SAMD4A: variants seen among roughly 807,000 people sequenced by gnomAD.
SAMD4A encodes the protein sterile alpha motif domain containing 4A, also known as protein Smaug homolog 1.
In SAMD4A, 33 loss-of-function variants were observed where a neutral mutation model predicts 81.3. That is an observed-to-expected ratio of 0.41 (90% confidence interval 0.31 to 0.54). The LOEUF (loss-of-function observed/expected upper bound fraction) is 0.54, where lower values mean the gene tolerates loss of function less well. SAMD4A is among the 20% of genes least tolerant of loss of function. The pLI, the probability that SAMD4A is intolerant of heterozygous loss-of-function variation, is 0.37. For missense variants in SAMD4A, 854 were observed against 951.1 expected (o/e 0.90, Z 1.34); for synonymous variants, 389 against 382.1 (o/e 1.02, Z -0.21).
intron 8 of SAMD4A, among the ~76,000 whole-genome samples, chr14:54,765,711 G>A (rs922537850): frequency 3.9e-5 from 6 of 152,116 alleles, no homozygotes; most frequent in Non-Finnish European, 7.4e-5. Context: ...AGTAGGGTCC[G>A]GTGAAGGGAG....
At chr14:54,772,826 CAAAA>C (rs35278828) in intron 9 of SAMD4A, among the ~76,000 whole-genome samples, 9 of 145,842 alleles carry the variant, frequency 6.2e-5, no homozygotes, top group African/African-American at 1.8e-4. Flanking sequence ...AACAAACAAA[CAAAA>C]AAAAAAAACA....
At chr14:54,678,345 G>C (rs1468336842) in intron 2 of SAMD4A, among the ~76,000 whole-genome samples, 1 of 152,052 alleles carries the variant, frequency 6.6e-6, no homozygotes, top group East Asian at 1.9e-4. Flanking sequence ...ACCTGCCTCA[G>C]GGGAGAAGGG....
At chr14:54,653,737 A>G (rs116484625) in intron 2 of SAMD4A, among the ~76,000 whole-genome samples, 2,385 of 152,240 alleles carry the variant, frequency 0.016, 47 homozygotes, top group African/African-American at 0.054. Flanking sequence ...TTTTTGCATG[A>G]CCAGCCATTT....
chr14:54,588,382 A>G (rs1039934137), intron 2 of SAMD4A, among the ~76,000 whole-genome samples: 3 of 150,486 alleles, frequency 2.0e-5, no homozygotes, highest in Admixed American at 2.0e-4. Context: ...TTTTAATTTT[A>G]TTTAGTTCTG....
chr14:54,736,984 G>A (rs761793389), intron 3 of SAMD4A, 40 bp from the exon 4 acceptor site: 6 of 1,587,496 alleles, frequency 3.8e-6, no homozygotes, highest in Admixed American at 1.7e-5. Context: ...CCAGGATAAA[G>A]GGGGGGGAAT....
In SAMD4A at chr14:54,751,624, A is replaced by G; in HGVS notation, c.1176+87A>G. 4.6e-6 allele frequency: 4 copies of G among 863,200 alleles called. No individual in the cohort carries two copies. The Middle Eastern group carries it at 6.5e-4, about 140-fold the overall frequency. 53.5% of individuals were successfully genotyped at this position (863,200 alleles called of 1,614,324 possible). A position where few individuals can be genotyped will look rare whatever the true frequency, so the allele number is the denominator to read the frequency against. ...TCTCCACTGGAAGTGTCATCGACAGACCTTCTAGAGCGTACCATGTGGTTT... is the reference window on the plus strand; with the variant it reads ...TCTCCACTGGAAGTGTCATCGACAGGCCTTCTAGAGCGTACCATGTGGTTT... On this transcript the variant is annotated intron_variant, in intron 6 of 12. Coordinates refer to ENST00000554335, the MANE Select transcript of SAMD4A (RefSeq NM_015589.6).
chr14:54,627,356 G>A (rs949837183), intron 2 of SAMD4A, among the ~76,000 whole-genome samples: 13 of 152,146 alleles, frequency 8.5e-5, no homozygotes, highest in African/African-American at 2.4e-4. Flanking sequence ...CAGCTTGTCC[G>A]TTACATTTGC....
rs765680853 is a variant in SAMD4A at position 54,775,075 on chromosome 14, C to G, written c.1857C>G (p.Phe619Leu). The G allele has an allele frequency of 6.2e-7, 1 of 1,614,040 alleles. No individual in the cohort carries two copies. The highest frequency in any genetic ancestry group is 8.5e-7 in the Non-Finnish European group (1 of 1,180,052). ...ARLGLLGTSG[F>L]VSSNQRNTTA... is the part of the protein sequence containing the mutation. ...TGGGCCTCTTGGGCACCAGTGGATT[C>G]GTCAGCTCCAACCAGCGCAACACCA... is the stretch of plus-strand genomic sequence containing the variant. Residue 619 changes from phenylalanine to leucine, a missense_variant, in exon 10 of 13, where the codon TTC becomes TTG. Phe to Leu is a conservative substitution (Grantham distance 22). Coordinates refer to ENST00000554335, the MANE Select transcript of SAMD4A (RefSeq NM_015589.6).
intron 2 of SAMD4A, among the ~76,000 whole-genome samples, chr14:54,647,605 T>C (rs1381329567): frequency 6.6e-6 from 1 of 152,236 alleles, no homozygotes. Context: ...AAATATTTAC[T>C]CTGCGTAGAA....
At chr14:54,779,841 G>A (rs1386006697) in intron 11 of SAMD4A, among the ~76,000 whole-genome samples, 1 of 152,190 alleles carries the variant, frequency 6.6e-6, no homozygotes, top group African/African-American at 2.4e-5. Context: ...TGCCAGTGAT[G>A]AGTAAGAAAC....
intron 2 of SAMD4A, among the ~76,000 whole-genome samples, chr14:54,667,213 T>A (rs1041459939): frequency 6.6e-5 from 10 of 151,834 alleles, no homozygotes; most frequent in African/African-American, 2.4e-4. Context: ...GAGAAACAGG[T>A]TTTCAAGTGC....
chr14:54,577,180 A>G (rs2033323700), intron 2 of SAMD4A, among the ~76,000 whole-genome samples: 1 of 152,218 alleles, frequency 6.6e-6, no homozygotes, highest in South Asian at 2.1e-4. Flanking sequence ...GTAGGCATGT[A>G]TCCATTATTC....
Position 54,732,709 on chromosome 14 carries a change from T to C in SAMD4A, c.716-4315T>C, listed in dbSNP as rs1279219672. Among the ~76,000 whole-genome samples, 9 of 152,210 alleles carry C rather than the reference T, an allele frequency of 5.9e-5. No individual in the cohort carries two copies. The East Asian group carries it at 1.7e-3, about 29-fold the overall frequency. ...TTCAGTTATCTGGACTATTTGCTTATGTGGATCACTTTTCTCCTTGACAGT... is the reference window on the plus strand; with the variant it reads ...TTCAGTTATCTGGACTATTTGCTTACGTGGATCACTTTTCTCCTTGACAGT... On this transcript the variant is annotated intron_variant, in intron 3 of 12. Coordinates refer to ENST00000554335, the MANE Select transcript of SAMD4A (RefSeq NM_015589.6).
intron 2 of SAMD4A, among the ~76,000 whole-genome samples, chr14:54,598,342 A>G (rs555071209): frequency 2.0e-5 from 3 of 152,334 alleles, no homozygotes; most frequent in African/African-American, 4.8e-5. Context: ...ATGTAGTTAC[A>G]TGCAAATACA....
At chr14:54,703,320 G>C (rs1363496001) in intron 3 of SAMD4A, 6 of 152,238 alleles carry the variant, frequency 3.9e-5, no homozygotes, top group African/African-American at 1.4e-4. Context: ...CCTCAGCTGG[G>C]CACTGGGGCT....
chr14:54,644,023 A>G (rs2035232100), intron 2 of SAMD4A, among the ~76,000 whole-genome samples: 1 of 152,196 alleles, frequency 6.6e-6, no homozygotes, highest in South Asian at 2.1e-4. Flanking sequence ...AGAAGCAGTC[A>G]AAGGTCATTT....
At chr14:54,661,088 C>A (rs899301078) in intron 2 of SAMD4A, among the ~76,000 whole-genome samples, 31 of 152,182 alleles carry the variant, frequency 2.0e-4, no homozygotes, top group African/African-American at 7.5e-4. Context: ...TGACCTCGGG[C>A]AAATCACTTG....
intron 2 of SAMD4A, among the ~76,000 whole-genome samples, chr14:54,627,286 G>A (rs1191850356): frequency 1.3e-5 from 2 of 152,002 alleles, no homozygotes; most frequent in South Asian, 2.1e-4. Flanking sequence ...AAGAAATTTT[G>A]TCATACAACT....
At chr14:54,576,428 C>T (rs980096867) in intron 2 of SAMD4A, among the ~76,000 whole-genome samples, 5 of 152,132 alleles carry the variant, frequency 3.3e-5, no homozygotes, top group Admixed American at 1.3e-4. Context: ...AACTTGTCTC[C>T]GTTTGAAAAA....
Sources: gnomAD v4.1 joint callset for allele counts (sites outside exome capture counted in the v4.1 genomes callset) on GRCh38, gnomAD v4.1.1 for gene constraint, MANE v1.5 for transcripts, NCBI Gene and HGNC (gene_info 2026-07-23, HGNC 2026-07-21) for gene names.